The following IQSEC2 variants were observed in gnomAD, a reference collection of about 807,000 sequenced individuals.
IQSEC2 encodes the protein IQ motif and SEC7 domain-containing protein 2.
Under a neutral mutation model 74.6 loss-of-function variants are expected in IQSEC2, and 6 were observed. That is an observed-to-expected ratio of 0.08 (90% CI 0.04 to 0.16). The LOEUF (loss-of-function observed/expected upper bound fraction) is 0.16. Among genes scored for constraint, IQSEC2 ranks in the 10% least tolerant of loss-of-function variants. The probability of loss-of-function intolerance (pLI) is 1.00; values close to 1 mark genes in which losing one functional copy is unlikely to be tolerated. For synonymous variants in IQSEC2, 494 were observed against 544.5 expected, an observed-to-expected ratio of 0.91 and a Z score of 1.29; for missense variants, 734 against 1,306.2, an observed-to-expected ratio of 0.56 and a Z score of 6.75.
chrX:53,281,253 C>G (rs1343653816), intron 2 of IQSEC2, among the ~76,000 whole-genome samples: 3 of 112,743 alleles, frequency 2.7e-5, no homozygotes, highest in Non-Finnish European at 5.6e-5. Flanking sequence ...GAGCCAAGCT[C>G]ACCCCTCACA....
At chrX:53,259,179 G>C (rs1556865927) in intron 2 of IQSEC2, among the ~76,000 whole-genome samples, 1 of 69,417 alleles carries the variant, frequency 1.4e-5, no homozygotes, top group Non-Finnish European at 2.6e-5. Context: ...GATAGAGTGA[G>C]ACTGTCTCCA....
At chrX:53,319,795 G>A (rs1026450968) in intron 1 of IQSEC2, among the ~76,000 whole-genome samples, 2 of 110,733 alleles carry the variant, frequency 1.8e-5, no homozygotes, top group Admixed American at 9.6e-5. Context: ...TGGAGAGGGG[G>A]TGGACTTTGA....
chrX:53,284,261 T>C (rs1556871389), intron 2 of IQSEC2, among the ~76,000 whole-genome samples: 3 of 109,894 alleles, frequency 2.7e-5, no homozygotes, highest in Non-Finnish European at 5.7e-5. Context: ...TCTTATATGA[T>C]TCCATTCACT....
At chrX:53,306,235 C>A (rs1477320199) in intron 1 of IQSEC2, among the ~76,000 whole-genome samples, 1 of 111,925 alleles carries the variant, frequency 8.9e-6, no homozygotes, top group Non-Finnish European at 1.9e-5. Context: ...GGCTGGGCTG[C>A]CCTCCAAGCA....
At chrX:53,248,295 C>A in intron 6 of IQSEC2, 59 bp from the exon 7 acceptor site, 1 of 1,182,276 alleles carries the variant, frequency 8.5e-7, no homozygotes, top group East Asian at 3.1e-5. Flanking sequence ...ACCTCTGACC[C>A]ACCTGGACCT....
chrX:53,316,831 C>CAA lies in IQSEC2; in HGVS notation c.707+3584_707+3585dup, dbSNP rs376964568. Among the ~76,000 whole-genome samples, 135 of 73,206 alleles carry CAA rather than the reference C, an allele frequency of 1.8e-3. 1 individual carries two copies. The highest frequency in any genetic ancestry group is 6.1e-3 in the African/African-American group (126 of 20,729). The allele number at this position is 73,206 out of a possible 115,157, so 63.6% of individuals were successfully genotyped here. On this transcript the variant is annotated intron_variant, in intron 1 of 14. Transcript: ENST00000642864. ...CCCTGTCCCAAAAACAAACCAAAACCAAAAAAAAAAAAAAAAGAAAAAGAA... is the reference window on the plus strand; with the variant it reads ...CCCTGTCCCAAAAACAAACCAAAACCAAAAAAAAAAAAAAAAAAGAAAAAGAA...
At chrX:53,235,966 G>T in intron 13 of IQSEC2, 134 bp from the exon 14 acceptor site, 2 of 589,693 alleles carry the variant, frequency 3.4e-6, no homozygotes, top group Non-Finnish European at 2.6e-6. Flanking sequence ...CCATTGAAGA[G>T]GGGGAGGCGG....
At chrX:53,292,242 G>A (rs901312417) in intron 1 of IQSEC2, among the ~76,000 whole-genome samples, 2 of 111,838 alleles carry the variant, frequency 1.8e-5, no homozygotes, top group African/African-American at 3.3e-5. Flanking sequence ...AGTGAGGAGC[G>A]TGGCTTTCGT....
rs782163144 is a variant in IQSEC2, at chrX:53,287,643, C to G, written c.737+4252G>C. On this transcript the variant is annotated intron_variant, in intron 2 of 14. Coordinates refer to ENST00000642864, the MANE Select transcript of IQSEC2 (RefSeq NM_001111125.3). ...GAAGCTTCACTGAGCTCTGTGCAGCCTCCCTCCCCAGCTGCCAAGTGACTC... is the reference window on the plus strand; with the variant it reads ...GAAGCTTCACTGAGCTCTGTGCAGCGTCCCTCCCCAGCTGCCAAGTGACTC... 7.1e-5 allele frequency among the ~76,000 whole-genome samples: 8 copies of G among 112,720 alleles called. No homozygotes were observed. The East Asian group carries it at 2.2e-3, about 32-fold the overall frequency.
downstream of IQSEC2, chrX:53,226,598 G>A (rs1189340393): frequency 5.3e-5 from 6 of 112,305 alleles, no homozygotes; most frequent in Non-Finnish European, 1.1e-4. Flanking sequence ...GTAAGCTCGA[G>A]GCAGATAGGG....
At position 53,235,852 on chromosome X, in the gene IQSEC2, G is replaced by T; in HGVS notation, c.3452-20C>A. On this transcript the variant is annotated intron_variant, in intron 13 of 14. Transcript: ENST00000642864. ...GCTTCCCTGCACCCACAAGCAAGGA[G>T]CCCAGCGTCAGAGCAGCAACCCCCC... 8.6e-7 allele frequency: 1 copy of T among 1,157,718 alleles called. No individual in the cohort carries two copies. Among genetic ancestry groups the T allele is most frequent in the Non-Finnish European group, 1.2e-6 (1 of 866,289 alleles).
chrX:53,254,058 C>T (rs1353200062), intron 4 of IQSEC2, among the ~76,000 whole-genome samples: 1 of 112,082 alleles, frequency 8.9e-6, no homozygotes, highest in Non-Finnish European at 1.9e-5. Context: ...TGGCCGGGCA[C>T]AGTGGCTCAC....
rs1266761016 is a variant in IQSEC2 at position 53,256,924 on chromosome X, C to T, written c.738-863G>A. Among the ~76,000 whole-genome samples, 4 of 112,323 alleles carry T rather than the reference C, an allele frequency of 3.6e-5. No homozygotes were observed. The Admixed American group carries it at 3.7e-4, about 10-fold the overall frequency. On this transcript the variant is annotated intron_variant, in intron 2 of 14. Transcript: ENST00000642864. Reference sequence around the variant, plus strand: ...GCCCTGGTTTCCCAGAGCTGTTGTTCCACCAGAACTGCTCCCATGGTGCCA... The same window carrying T: ...GCCCTGGTTTCCCAGAGCTGTTGTTTCACCAGAACTGCTCCCATGGTGCCA...
At chrX:53,258,007 T>G (rs1236578412) in intron 2 of IQSEC2, among the ~76,000 whole-genome samples, 1 of 111,450 alleles carries the variant, frequency 9.0e-6, no homozygotes, top group Non-Finnish European at 1.9e-5. Context: ...AGCCCCCTAT[T>G]CCATCCACCC....
chrX:53,264,939 A>AG (rs11443688), intron 2 of IQSEC2, among the ~76,000 whole-genome samples: 1 of 106,146 alleles, frequency 9.4e-6, no homozygotes, highest in Non-Finnish European at 2.0e-5. Context: ...AAAAAAAAAA[A>AG]TCTTTTTGTA....
chrX:53,319,796 T>A (rs1602382099), intron 1 of IQSEC2, among the ~76,000 whole-genome samples: 2 of 108,739 alleles, frequency 1.8e-5, no homozygotes, highest in African/African-American at 6.7e-5. Context: ...GGAGAGGGGG[T>A]GGACTTTGAG....
chrX:53,232,228 T>A (rs1556858488), downstream of IQSEC2, among the ~76,000 whole-genome samples: 1 of 112,047 alleles, frequency 8.9e-6, no homozygotes, highest in African/African-American at 3.2e-5. Flanking sequence ...GCCTGTCCCC[T>A]TCTCTGTAAA....
At position 53,233,782 on chromosome X, in the gene IQSEC2, C is replaced by CA; in HGVS notation, c.*436dup. 1 of 297,093 alleles carries CA rather than the reference C, an allele frequency of 3.4e-6. No individual in the cohort carries two copies. Among genetic ancestry groups the CA allele is most frequent in the East Asian group, 4.8e-5 (1 of 21,008 alleles). The allele number at this position is 297,093 out of a possible 1,213,427, so 24.5% of individuals were successfully genotyped here. On this transcript the variant is annotated 3_prime_UTR_variant, in exon 15 of 15. Coordinates refer to ENST00000642864, the MANE Select transcript of IQSEC2 (RefSeq NM_001111125.3). The stretch of plus-strand genomic sequence containing the variant: ...ACTCTACAGAGCGCTCTCCTAGCCC[C>CA]ACACGGCCAGAGGAGCCCCAGGGAA...
At chrX:53,229,317 A>T (rs1309373583), downstream of IQSEC2, 1 of 111,970 alleles carries the variant, frequency 8.9e-6, no homozygotes, top group Admixed American at 9.4e-5. Flanking sequence ...TATATAACCC[A>T]TTGAGTAAAA....
Sources: allele counts gnomAD v4.1 joint callset (sites outside exome capture counted in the v4.1 genomes callset), GRCh38; gene constraint gnomAD v4.1.1; transcripts MANE v1.5; gene names NCBI Gene and HGNC (gene_info 2026-07-23, HGNC 2026-07-21).